PSTPIP2: variants seen among roughly 807,000 people sequenced by gnomAD.
PSTPIP2 encodes proline-serine-threonine phosphatase interacting protein 2.
In PSTPIP2, 33 loss-of-function variants were observed where a neutral mutation model predicts 63.3. That is an observed-to-expected ratio of 0.52 (90% CI 0.40 to 0.70). PSTPIP2 has a LOEUF of 0.70. Ranked by LOEUF, PSTPIP2 falls within the 30% of genes least tolerant of loss-of-function variation. The probability of loss-of-function intolerance (pLI) is 0.00; values close to 1 mark genes in which losing one functional copy is unlikely to be tolerated. For synonymous variants in PSTPIP2, 125 were observed against 132.7 expected (o/e 0.94, Z 0.40); for missense variants, 312 against 400.7 (o/e 0.78, Z 1.89).
At chr18:46,019,392 A>G (rs567705492) in intron 3 of PSTPIP2, among the ~76,000 whole-genome samples, 4 of 152,176 alleles carry the variant, frequency 2.6e-5, no homozygotes, top group East Asian at 1.9e-4. Context: ...TCTCACATGA[A>G]CATTTGCGCC....
intron 6 of PSTPIP2, among the ~76,000 whole-genome samples, chr18:46,003,596 T>A (rs967690724): frequency 2.6e-5 from 4 of 151,998 alleles, no homozygotes; most frequent in Admixed American, 6.5e-5. Flanking sequence ...ATTTTTTTAA[T>A]TTTTGGTCTA....
chr18:46,024,547 A>G, intron 3 of PSTPIP2, 62 bp downstream of exon 3: 4 of 1,406,800 alleles, frequency 2.8e-6, no homozygotes, highest in Non-Finnish European at 4.0e-6. Flanking sequence ...TGTCTGCTGA[A>G]GCGAGGGAGC....
intron 6 of PSTPIP2, among the ~76,000 whole-genome samples, chr18:46,001,731 A>T (rs1357264564): frequency 6.6e-6 from 1 of 151,744 alleles, no homozygotes; most frequent in Non-Finnish European, 1.5e-5. Context: ...TCTCCCTTTC[A>T]TTATTTTTTT....
chr18:46,060,749 G>T (rs562183325), intron 1 of PSTPIP2, among the ~76,000 whole-genome samples: 1 of 152,206 alleles, frequency 6.6e-6, no homozygotes, highest in South Asian at 2.1e-4. Context: ...GCTCCGCCCA[G>T]AGGACTGGTT....
chr18:46,051,019 C>CA (rs1273473855), intron 1 of PSTPIP2, among the ~76,000 whole-genome samples: 2 of 152,090 alleles, frequency 1.3e-5, no homozygotes, highest in African/African-American at 4.8e-5. Flanking sequence ...CCCACCACCA[C>CA]ACCTGGCTAA....
At chr18:46,010,548 TCTAA>T (rs2051783675) in intron 5 of PSTPIP2, among the ~76,000 whole-genome samples, 1 of 152,226 alleles carries the variant, frequency 6.6e-6, no homozygotes, top group African/African-American at 2.4e-5. Flanking sequence ...GCTGGTCTAG[TCTAA>T]CTAACACTTT....
At chr18:46,061,623 G>A (rs2144132648) in intron 1 of PSTPIP2, among the ~76,000 whole-genome samples, 1 of 152,344 alleles carries the variant, frequency 6.6e-6, no homozygotes, top group East Asian at 1.9e-4. Context: ...CCCTAACATA[G>A]GACAGGTAGA....
chr18:46,061,069 C>T (rs117697962), intron 1 of PSTPIP2, among the ~76,000 whole-genome samples: 9,038 of 152,150 alleles, frequency 0.059, 356 homozygotes, highest in Non-Finnish European at 0.085. Context: ...TTCGGGAGGC[C>T]GAGATGGGCA....
intron 1 of PSTPIP2, among the ~76,000 whole-genome samples, chr18:46,057,390 C>G (rs1042026221): frequency 4.6e-5 from 7 of 151,560 alleles, no homozygotes. Context: ...TACAATGGCG[C>G]AGTCTCAGCT....
intron 5 of PSTPIP2, among the ~76,000 whole-genome samples, chr18:46,006,656 G>A (rs1457543027): frequency 2.0e-5 from 3 of 152,100 alleles, no homozygotes; most frequent in Non-Finnish European, 2.9e-5. Flanking sequence ...TTACAGTCAT[G>A]AGCCACCGCG....
chr18:46,038,312 G>C (rs888658046), intron 2 of PSTPIP2, among the ~76,000 whole-genome samples: 1 of 151,948 alleles, frequency 6.6e-6, no homozygotes. Flanking sequence ...TTTTTTGAGG[G>C]TCACATTCAA....
chr18:46,047,302 C>A (rs1380636259), intron 1 of PSTPIP2, among the ~76,000 whole-genome samples: 1 of 152,052 alleles, frequency 6.6e-6, no homozygotes, highest in African/African-American at 2.4e-5. Context: ...GGGTTAGGTG[C>A]GGTGGCTCAT....
chr18:46,064,970 C>T (rs1288164616), intron 1 of PSTPIP2, among the ~76,000 whole-genome samples: 2 of 151,372 alleles, frequency 1.3e-5, no homozygotes, highest in African/African-American at 4.9e-5. Flanking sequence ...CATGGAAAAA[C>T]CTCATCTCTA....
intron 4 of PSTPIP2, among the ~76,000 whole-genome samples, chr18:46,012,475 T>C (rs2051809188): frequency 1.3e-5 from 2 of 152,186 alleles, no homozygotes; most frequent in South Asian, 4.1e-4. Context: ...TATGTGCATC[T>C]ACAATTAAAA....
intron 1 of PSTPIP2, among the ~76,000 whole-genome samples, chr18:46,068,534 G>A (rs1444547739): frequency 3.3e-5 from 5 of 151,764 alleles, no homozygotes; most frequent in South Asian, 2.1e-4. Context: ...TCCTGACCTC[G>A]TGATCCACCC....
chr18:46,028,492 T>G (rs1599726738), intron 2 of PSTPIP2: 2 of 632,092 alleles, frequency 3.2e-6, no homozygotes, highest in East Asian at 8.3e-5. Context: ...GAGCTGGTCT[T>G]CGGCGATGTC....
chr18:46,057,814 G>A (rs1382070270), intron 1 of PSTPIP2, among the ~76,000 whole-genome samples: 3 of 151,672 alleles, frequency 2.0e-5, no homozygotes, highest in Admixed American at 1.3e-4. Context: ...TGGCTAACAC[G>A]GTGAAACCCC....
At chr18:46,009,228 A>G (rs1467942203) in intron 5 of PSTPIP2, among the ~76,000 whole-genome samples, 1 of 152,132 alleles carries the variant, frequency 6.6e-6, no homozygotes, top group East Asian at 1.9e-4. Context: ...CTCATTTATT[A>G]AAAGAAACCA....
intron 1 of PSTPIP2, among the ~76,000 whole-genome samples, chr18:46,063,644 T>A (rs949575812): frequency 6.6e-6 from 1 of 151,928 alleles, no homozygotes; most frequent in African/African-American, 2.4e-5. Context: ...CACACACGTG[T>A]ATATATACAA....
Sources: gnomAD v4.1 joint callset for allele counts (sites outside exome capture counted in the v4.1 genomes callset) on GRCh38, gnomAD v4.1.1 for gene constraint, MANE v1.5 for transcripts, NCBI Gene and HGNC (gene_info 2026-07-23, HGNC 2026-07-21) for gene names.